CCDC124: variants seen among roughly 807,000 people sequenced by gnomAD.
CCDC124 encodes the protein coiled-coil domain-containing protein 124.
A neutral mutation model predicts 19.8 loss-of-function variants in CCDC124; 9 were observed. The ratio of observed to expected loss-of-function variants is 0.45; its 90% confidence interval spans 0.27 to 0.79. The LOEUF is 0.79. Ranked by LOEUF, CCDC124 falls within the 30% of genes least tolerant of loss-of-function variation. The pLI is 0.14. For missense variants in CCDC124, 285 were observed against 319.0 expected (o/e 0.89, Z 0.81); for synonymous variants, 126 against 131.3 (o/e 0.96, Z 0.27).
rs190487133 is a variant in CCDC124, at chr19:17,943,985, A to T, written c.*270A>T. 9.4e-6 allele frequency: 5 copies of T among 533,802 alleles called. No individual in the cohort carries two copies. In the African/African-American group the frequency reaches 9.5e-5, roughly 10 times the overall value. 33.1% of individuals were successfully genotyped at this position (533,802 alleles called of 1,614,324 possible). A position where few individuals can be genotyped will look rare whatever the true frequency, so the allele number is the denominator to read the frequency against. ...GGTGGCGGCAAGGCTGCGGTGAGGC[A>T]CTTGAAGCCTAAGTGAGTGGGTGGG... On this transcript the variant is annotated 3_prime_UTR_variant, in exon 5 of 5. Transcript: ENST00000445755.
At chr19:17,940,165 G>A (rs1013837251) in intron 2 of CCDC124, among the ~76,000 whole-genome samples, 13 of 151,924 alleles carry the variant, frequency 8.6e-5, no homozygotes, top group Non-Finnish European at 1.9e-4. Context: ...CGCCCACCTC[G>A]GCCTCCCAAA....
chr19:17,937,362 C>T (rs1376319582), intron 2 of CCDC124, among the ~76,000 whole-genome samples: 2 of 152,032 alleles, frequency 1.3e-5, no homozygotes, highest in East Asian at 1.9e-4. Context: ...TGGAAAGGCC[C>T]TGGGGTGGCA....
At chr19:17,938,616 C>T (rs1462692846) in intron 2 of CCDC124, among the ~76,000 whole-genome samples, 1 of 152,040 alleles carries the variant, frequency 6.6e-6, no homozygotes, top group South Asian at 2.1e-4. Context: ...TTTTTAAAGA[C>T]GGTCTTGCTC....
In CCDC124 at chr19:17,936,392, C is replaced by A; in HGVS notation, c.-11-18C>A. 1 of 1,597,342 alleles carries A rather than the reference C, an allele frequency of 6.3e-7. No homozygotes were observed. The highest frequency in any genetic ancestry group is 1.3e-5 in the African/African-American group (1 of 74,782). On this transcript the variant is annotated intron_variant, in intron 1 of 4. Coordinates refer to ENST00000445755, the MANE Select transcript of CCDC124 (RefSeq NM_001136203.2). ...CCCCTCCGGCCCCTGCTCCCCCATC[C>A]CCATCCTCTTCCCGCAGCCTGCTGA...
intron 1 of CCDC124, among the ~76,000 whole-genome samples, chr19:17,935,425 CTT>C (rs990711613): frequency 2.7e-5 from 4 of 147,236 alleles, no homozygotes; most frequent in Admixed American, 6.8e-5. Context: ...AATTGTACAC[CTT>C]TTTTTTTTTT....
At chr19:17,938,092 T>C (rs1599964211) in intron 2 of CCDC124, among the ~76,000 whole-genome samples, 1 of 152,118 alleles carries the variant, frequency 6.6e-6, no homozygotes, top group East Asian at 1.9e-4. Context: ...GTAATCTCAG[T>C]ACTTTGGGAG....
Position 17,942,248 on chromosome 19 carries a change from A to G in CCDC124, c.160-408A>G, listed in dbSNP as rs1364968911. The stretch of plus-strand genomic sequence containing the variant: ...CCTCCCTGGCCCCCAGAGGCTCCGC[A>G]TGGCCCAGCCGTCTCCCTCCCGGCC... On this transcript the variant is annotated intron_variant, in intron 2 of 4. Coordinates refer to ENST00000445755, the MANE Select transcript of CCDC124 (RefSeq NM_001136203.2). This position sits in a 1 kb window ranked among gnomAD's most constrained non-coding sequence, Gnocchi z 4.2. Among the ~76,000 whole-genome samples, 13 of 151,704 alleles carry G rather than the reference A, an allele frequency of 8.6e-5. No homozygotes were observed. In the South Asian group the frequency reaches 2.3e-3, roughly 27 times the overall value.
intron 2 of CCDC124, among the ~76,000 whole-genome samples, chr19:17,940,202 C>T (rs1430016731): frequency 1.3e-5 from 2 of 152,134 alleles, no homozygotes; most frequent in South Asian, 2.1e-4. Flanking sequence ...CGTGAGCCAC[C>T]GCCTCTGGCC....
intron 3 of CCDC124, 91 bp from the exon 4 acceptor site, chr19:17,943,170 T>C: frequency 1.8e-6 from 2 of 1,086,814 alleles, no homozygotes; most frequent in Non-Finnish European, 2.7e-6. Context: ...CTCCCGCCCC[T>C]AGCTTCTCTT....
At chr19:17,938,930 C>T (rs2031117446) in intron 2 of CCDC124, among the ~76,000 whole-genome samples, 1 of 152,108 alleles carries the variant, frequency 6.6e-6, no homozygotes, top group African/African-American at 2.4e-5. Flanking sequence ...GTAGATCCTG[C>T]CTTGTTTTTA....
intron 2 of CCDC124, among the ~76,000 whole-genome samples, chr19:17,939,011 G>T (rs1296949742): frequency 4.6e-5 from 7 of 152,080 alleles, no homozygotes; most frequent in African/African-American, 1.7e-4. Flanking sequence ...GGTCCATGGA[G>T]ATATTTATAG....
chr19:17,941,715 G>A (rs1334323906), intron 2 of CCDC124, among the ~76,000 whole-genome samples: 3 of 152,218 alleles, frequency 2.0e-5, no homozygotes, highest in South Asian at 2.1e-4. Flanking sequence ...TGGGGGTCAG[G>A]CCCTGGCAGT....
chr19:17,941,503 C>T (rs1278018040), intron 2 of CCDC124, among the ~76,000 whole-genome samples: 2 of 147,338 alleles, frequency 1.4e-5, no homozygotes, highest in East Asian at 2.0e-4. Flanking sequence ...CTGAGAGAGA[C>T]TGTCTCAGAA....
rs2031245140 is a variant in CCDC124 at position 17,943,673 on chromosome 19, C to T, written c.630C>T (p.Asn210=). ...LKKEWLRSPD[N]PMNQRAVPFN... ...AGGAGTGGCTCCGCTCTCCTGACAA[C>T]CCCATGAACCAGCGGGCCGTGCCCT... is the stretch of plus-strand genomic sequence containing the variant. Residue 210 remains asparagine, a synonymous_variant, in exon 5 of 5, where the codon AAC becomes AAT. Coordinates refer to ENST00000445755, the MANE Select transcript of CCDC124 (RefSeq NM_001136203.2). The T allele has an allele frequency of 6.2e-7, 1 of 1,612,928 alleles. No individual in the cohort carries two copies. Among genetic ancestry groups the T allele is most frequent in the Non-Finnish European group, 8.5e-7 (1 of 1,179,948 alleles).
chr19:17,937,072 G>A (rs1191369628), intron 2 of CCDC124: 1 of 152,210 alleles, frequency 6.6e-6, no homozygotes, highest in Admixed American at 6.6e-5. Context: ...CCTGAGGTCA[G>A]GAGCTCAAGA....
rs866057416 is a variant in CCDC124 at position 17,939,136 on chromosome 19, T to C, written c.159+2557T>C. ...CCATCCGGGTGCGGTGGCTCACGCC[T>C]GTCATCCCAGGACTTTGGGAGGCCG... On this transcript the variant is annotated intron_variant, in intron 2 of 4. Coordinates refer to ENST00000445755, the MANE Select transcript of CCDC124 (RefSeq NM_001136203.2). 2.6e-5 allele frequency among the ~76,000 whole-genome samples: 4 copies of C among 152,314 alleles called. No individual in the cohort carries two copies. The South Asian group carries it at 8.3e-4, about 32-fold the overall frequency.
At position 17,943,244 on chromosome 19, in the gene CCDC124, C is replaced by CCT; in HGVS notation, c.350-16_350-15insTC. The CCT allele has an allele frequency of 5.1e-6, 2 of 392,358 alleles. No individual in the cohort carries two copies. Among genetic ancestry groups the CCT allele is most frequent in the Middle Eastern group, 7.7e-4 (1 of 1,302 alleles). 24.3% of individuals were successfully genotyped at this position (392,358 alleles called of 1,614,324 possible). A position where few individuals can be genotyped will look rare whatever the true frequency, so the allele number is the denominator to read the frequency against. Reference sequence around the variant, plus strand: ...TGCTTATCTCTCTCTGTCTCTGTCACCCACCCACCCGCCCAGCCGAGAAAG... The same window carrying CCT: ...TGCTTATCTCTCTCTGTCTCTGTCACCTCCACCCACCCGCCCAGCCGAGAAAG... On this transcript the variant is annotated splice_polypyrimidine_tract_variant and intron_variant, in intron 3 of 4. Transcript: ENST00000445755.
chr19:17,943,500 AC>A lies in CCDC124; in HGVS notation c.465-3del. On this transcript the variant is annotated splice_polypyrimidine_tract_variant and splice_region_variant and intron_variant, in intron 4 of 4. Coordinates refer to ENST00000445755, the MANE Select transcript of CCDC124 (RefSeq NM_001136203.2). Reference sequence around the variant, plus strand: ...CCAAGGCCCCCTGACGCTCATGTCCACCCCCAGCGTGGCGGAGGAGGCGGCC... The same window carrying A: ...CCAAGGCCCCCTGACGCTCATGTCCACCCCAGCGTGGCGGAGGAGGCGGCC... The A allele has an allele frequency of 6.2e-7, 1 of 1,608,664 alleles. No homozygotes were observed. Among genetic ancestry groups the A allele is most frequent in the Non-Finnish European group, 8.5e-7 (1 of 1,178,850 alleles).
At chr19:17,941,150 C>T (rs1012355117) in intron 2 of CCDC124, among the ~76,000 whole-genome samples, 1 of 152,110 alleles carries the variant, frequency 6.6e-6, no homozygotes, top group Non-Finnish European at 1.5e-5. Flanking sequence ...ATATTCTCAG[C>T]CCCCGTGAGT....
Sources: gnomAD v4.1 joint callset for allele counts (sites outside exome capture counted in the v4.1 genomes callset) on GRCh38, gnomAD v4.1.1 for gene constraint, Gnocchi (gnomAD v3.1) non-coding constraint, MANE v1.5 for transcripts, NCBI Gene and HGNC (gene_info 2026-07-23, HGNC 2026-07-21) for gene names.